PPP2CB: variants seen among roughly 807,000 people sequenced by gnomAD.
PPP2CB encodes the protein protein phosphatase 2 catalytic subunit beta.
Under a neutral mutation model 39.1 loss-of-function variants are expected in PPP2CB, and 18 were observed. That is an observed-to-expected ratio of 0.46 (90% CI 0.32 to 0.68). The LOEUF is 0.68. Among genes scored for constraint, PPP2CB ranks in the 30% least tolerant of loss-of-function variants. The pLI is 0.04. For synonymous variants in PPP2CB, 129 were observed against 133.8 expected (o/e 0.96, Z 0.25); for missense variants, 226 against 396.9 (o/e 0.57, Z 3.66).
At chr8:30,805,469 T>A (rs1055886261) in intron 1 of PPP2CB, among the ~76,000 whole-genome samples, 1 of 151,638 alleles carries the variant, frequency 6.6e-6, no homozygotes, top group Admixed American at 6.6e-5. Context: ...CTGGGGCAGG[T>A]GAATGGCATG....
Position 30,805,519 on chromosome 8 carries a change from C to G in PPP2CB, c.103-5764G>C, listed in dbSNP as rs372763757. 8.5e-5 allele frequency among the ~76,000 whole-genome samples: 13 copies of G among 152,132 alleles called. No individual in the cohort carries two copies. The East Asian group carries it at 2.5e-3, about 29-fold the overall frequency. ...AGCTTGCAGTGAACCGAGATGGCACCACTGCACTCCAGCCTGGATGACAGA... is the reference window on the plus strand; with the variant it reads ...AGCTTGCAGTGAACCGAGATGGCACGACTGCACTCCAGCCTGGATGACAGA... On this transcript the variant is annotated intron_variant, in intron 1 of 6. Coordinates refer to ENST00000221138, the MANE Select transcript of PPP2CB (RefSeq NM_001009552.2).
At chr8:30,811,276 T>C (rs1488132665) in intron 1 of PPP2CB, among the ~76,000 whole-genome samples, 1 of 152,212 alleles carries the variant, frequency 6.6e-6, no homozygotes, top group African/African-American at 2.4e-5. Context: ...TGCAAAGTGC[T>C]ATCGTGCATG....
chr8:30,791,339 T>A, intron 5 of PPP2CB, 24 bp from the exon 6 acceptor site: 1 of 1,464,304 alleles, frequency 6.8e-7, no homozygotes, highest in Non-Finnish European at 9.5e-7. Flanking sequence ...ACAAATTCAT[T>A]ATTTCATTAT....
intron 3 of PPP2CB, among the ~76,000 whole-genome samples, chr8:30,795,858 GTTATAA>G (rs899130927): frequency 1.3e-5 from 2 of 152,170 alleles, no homozygotes; most frequent in Non-Finnish European, 2.9e-5. Flanking sequence ...CTCCTGCATA[GTTATAA>G]TTATGCCTTA....
In PPP2CB at chr8:30,803,308, C is replaced by G. The variant is rs947978417; in HGVS notation, c.103-3553G>C. The stretch of plus-strand genomic sequence containing the variant: ...CTGTAATCCCAGCACTTTTGGAGGC[C>G]GAGGCAGAAGGATCACTTGAGTCCA... On this transcript the variant is annotated intron_variant, in intron 1 of 6. Coordinates refer to ENST00000221138, the MANE Select transcript of PPP2CB (RefSeq NM_001009552.2). Among the ~76,000 whole-genome samples, 3 of 151,770 alleles carry G rather than the reference C, an allele frequency of 2.0e-5. No homozygotes were observed. The East Asian group carries it at 5.8e-4, about 29-fold the overall frequency.
intron 3 of PPP2CB, among the ~76,000 whole-genome samples, chr8:30,794,914 TTTTTG>T (rs1399954943): frequency 1.3e-5 from 2 of 152,228 alleles, no homozygotes; most frequent in East Asian, 1.9e-4. Context: ...TGCAAAACTA[TTTTTG>T]TTTTTTCTTC....
chr8:30,806,348 C>T (rs1433091549), intron 1 of PPP2CB, among the ~76,000 whole-genome samples: 3 of 151,950 alleles, frequency 2.0e-5, no homozygotes, highest in Admixed American at 6.6e-5. Context: ...ACCACCATGC[C>T]CGGCCGTTAA....
chr8:30,802,372 G>A (rs1363974224), intron 1 of PPP2CB, among the ~76,000 whole-genome samples: 1 of 152,080 alleles, frequency 6.6e-6, no homozygotes, highest in Non-Finnish European at 1.5e-5. Context: ...GAAGAACATG[G>A]CTGAGGAGAT....
chr8:30,797,245 A>C (rs1245208390), intron 3 of PPP2CB, among the ~76,000 whole-genome samples: 2 of 152,396 alleles, frequency 1.3e-5, no homozygotes, highest in African/African-American at 4.8e-5. Context: ...ATGTATATGC[A>C]GAGATAGTTT....
intron 5 of PPP2CB, 198 bp downstream of exon 5, chr8:30,793,719 A>G: frequency 2.0e-6 from 1 of 492,244 alleles, no homozygotes; most frequent in Non-Finnish European, 3.5e-6. Flanking sequence ...ACTTTTTTCT[A>G]AGTCTCAATT....
intron 3 of PPP2CB, among the ~76,000 whole-genome samples, chr8:30,795,108 T>C (rs181679902): frequency 6.6e-6 from 1 of 151,926 alleles, no homozygotes; most frequent in East Asian, 1.9e-4. Context: ...AGCATTTTCT[T>C]TCTGATTTTG....
chr8:30,802,326 CACAA>C (rs1262263434), intron 1 of PPP2CB, among the ~76,000 whole-genome samples: 1 of 152,046 alleles, frequency 6.6e-6, no homozygotes, highest in Non-Finnish European at 1.5e-5. Context: ...CCCAATACAC[CACAA>C]ACATTCTGCA....
chr8:30,799,141 T>TG lies in PPP2CB; in HGVS notation c.312+404dup, dbSNP rs201084713. Among the ~76,000 whole-genome samples the TG allele has an allele frequency of 5.1e-3, 776 of 152,154 alleles. 10 individuals carry two copies. Among genetic ancestry groups the TG allele is most frequent in the Non-Finnish European group, 4.5e-3 (304 of 68,000 alleles). On this transcript the variant is annotated intron_variant, in intron 2 of 6. Transcript: ENST00000221138. ...TCGGCCAGCGTATGCCAGGTGGATTTGGGGGGGATCAGATCTTGGAGGCAG... is the reference window on the plus strand; with the variant it reads ...TCGGCCAGCGTATGCCAGGTGGATTTGGGGGGGGATCAGATCTTGGAGGCAG...
At chr8:30,808,799 G>C (rs1454975443) in intron 1 of PPP2CB, among the ~76,000 whole-genome samples, 1 of 152,064 alleles carries the variant, frequency 6.6e-6, no homozygotes, top group African/African-American at 2.4e-5. Flanking sequence ...AAGGCATATT[G>C]GCACATCTAT....
intron 6 of PPP2CB, among the ~76,000 whole-genome samples, chr8:30,790,224 C>A (rs1806408600): frequency 6.6e-6 from 1 of 151,986 alleles, no homozygotes; most frequent in Non-Finnish European, 1.5e-5. Context: ...ATATGAATAC[C>A]CCACATCCTA....
chr8:30,803,096 C>A (rs766750607), intron 1 of PPP2CB, among the ~76,000 whole-genome samples: 55 of 152,214 alleles, frequency 3.6e-4, no homozygotes, highest in Non-Finnish European at 4.4e-4. Context: ...CAGGAAAGAT[C>A]ACTTTTACTT....
Position 30,786,110 on chromosome 8 carries a change from T to C in PPP2CB, c.*125A>G, listed in dbSNP as rs1046. The C allele has an allele frequency of 1.1e-6, 1 of 874,292 alleles. No individual in the cohort carries two copies. The highest frequency in any genetic ancestry group is 1.5e-5 in the South Asian group (1 of 65,378). 54.2% of individuals were successfully genotyped at this position (874,292 alleles called of 1,614,324 possible). A position where few individuals can be genotyped will look rare whatever the true frequency, so the allele number is the denominator to read the frequency against. On this transcript the variant is annotated 3_prime_UTR_variant, in exon 7 of 7. Coordinates refer to ENST00000221138, the MANE Select transcript of PPP2CB (RefSeq NM_001009552.2). Reference sequence around the variant, plus strand: ...ACATTTGGTCCATGATGTGGTTTAATGCCAAGACAGATCCCAATTTGTTAC... The same window carrying C: ...ACATTTGGTCCATGATGTGGTTTAACGCCAAGACAGATCCCAATTTGTTAC...
At chr8:30,811,505 ATTT>A (rs569063598) in intron 1 of PPP2CB, among the ~76,000 whole-genome samples, 14 of 127,580 alleles carry the variant, frequency 1.1e-4, no homozygotes, top group Admixed American at 1.6e-4. Flanking sequence ...AGAATCAGCG[ATTT>A]TTTTTTTTTT....
chr8:30,812,347 C>G lies in PPP2CB; in HGVS notation c.75G>C (p.Glu25Asp). 6.4e-7 allele frequency: 1 copy of G among 1,553,310 alleles called. No homozygotes were observed. The change falls in exon 1 of 7, where the codon GAG becomes GAC. Residue 25 changes from glutamate (E) to aspartate (D), a missense_variant. By Grantham distance (45) the Glu-to-Asp change is conservative. Coordinates refer to ENST00000221138, the MANE Select transcript of PPP2CB (RefSeq NM_001009552.2). ...EQLNECKQLN[E>D]NQVRTLCEKA... ...TCTCGCACAGCGTCCGCACTTGGTT[C>G]TCGTTCAGCTGCTTACACTCGTTCA... is the stretch of plus-strand genomic sequence containing the variant.
Sources: gnomAD v4.1 joint callset for allele counts (sites outside exome capture counted in the v4.1 genomes callset) on GRCh38, gnomAD v4.1.1 for gene constraint, MANE v1.5 for transcripts, NCBI Gene and HGNC (gene_info 2026-07-23, HGNC 2026-07-21) for gene names.